The following PCDHGA6 variants were observed in gnomAD, a reference collection of about 807,000 sequenced individuals.
PCDHGA6 encodes the protein protocadherin gamma-A6.
A neutral mutation model predicts 60.6 loss-of-function variants in PCDHGA6; 41 were observed. That is an observed-to-expected ratio of 0.68 (90% CI 0.53 to 0.88). PCDHGA6 has a LOEUF of 0.88. PCDHGA6 is among the 40% of genes least tolerant of loss of function. The pLI, the probability that PCDHGA6 is intolerant of heterozygous loss-of-function variation, is 0.00. For missense variants in PCDHGA6, 1,312 were observed against 1,203.0 expected (o/e 1.09, Z -1.34); for synonymous variants, 594 against 524.4 (o/e 1.13, Z -1.81).
chr5:141,382,988 G>T (rs958046112), intron 1 of PCDHGA6: 2 of 1,613,090 alleles, frequency 1.2e-6, no homozygotes, highest in African/African-American at 2.7e-5. Context: ...TGGGCAGGAC[G>T]TATTCTCTAC....
In PCDHGA6 at chr5:141,491,129, C is replaced by T; in HGVS notation, c.2425-3678C>T. On this transcript the variant is annotated intron_variant, in intron 1 of 3. Transcript: ENST00000517434. This position sits in a 1 kb window ranked among gnomAD's most constrained non-coding sequence, Gnocchi z 6.9. Reference sequence around the variant, plus strand: ...TCTACACACACTGGTGAGGTGCGCACAGCCCGGGCCTTACTGGAGGATGAC... The same window carrying T: ...TCTACACACACTGGTGAGGTGCGCATAGCCCGGGCCTTACTGGAGGATGAC... 1.2e-6 allele frequency: 2 copies of T among 1,614,172 alleles called. No individual in the cohort carries two copies. The highest frequency in any genetic ancestry group is 1.7e-6 in the Non-Finnish European group (2 of 1,180,012).
chr5:141,432,642 C>T lies in PCDHGA6; in HGVS notation c.2424+56135C>T, dbSNP rs746251093. 7.4e-6 allele frequency: 12 copies of T among 1,613,784 alleles called. No individual in the cohort carries two copies. The highest frequency in any genetic ancestry group is 2.7e-5 in the African/African-American group (2 of 75,056). ...GGTCTGCACACGGGCGAGGTGCGCA[C>T]GGCGCGAGCCCTGCTGGACAGAGAC... On this transcript the variant is annotated intron_variant, in intron 1 of 3. Coordinates refer to ENST00000517434, the MANE Select transcript of PCDHGA6 (RefSeq NM_018919.3). This position sits in a 1 kb window ranked among gnomAD's most constrained non-coding sequence, Gnocchi z 6.0.
At chr5:141,449,658 C>T (rs1413506303) in intron 1 of PCDHGA6, among the ~76,000 whole-genome samples, 5 of 149,582 alleles carry the variant, frequency 3.3e-5, no homozygotes, top group Admixed American at 3.3e-4. Flanking sequence ...TTTACATACA[C>T]ACCCAAGTGT....
At chr5:141,416,832 A>T (rs2154546669) in intron 1 of PCDHGA6, 1 of 152,168 alleles carries the variant, frequency 6.6e-6, no homozygotes, top group East Asian at 1.9e-4. Context: ...GTTTCTCAAG[A>T]CCCTTATAAT....
intron 1 of PCDHGA6, among the ~76,000 whole-genome samples, chr5:141,464,748 T>A (rs995568259): frequency 2.0e-5 from 3 of 152,190 alleles, no homozygotes; most frequent in Admixed American, 2.0e-4. Flanking sequence ...TATCTTTTTG[T>A]TTTTTTAGAG....
chr5:141,398,656 A>G, intron 1 of PCDHGA6: 1 of 1,614,034 alleles, frequency 6.2e-7, no homozygotes, highest in African/African-American at 1.3e-5. Context: ...TCTTAACCCA[A>G]GTTTCTCATT....
Position 141,485,291 on chromosome 5 carries a change from CAGGA to C in PCDHGA6, c.2425-9512_2425-9509del. ...CCGCTACCCGGTCCCAGAGGAGTCA[CAGGA>C]AGGGACTTTTGTAGGGAATGTCGCT... On this transcript the variant is annotated intron_variant, in intron 1 of 3. Transcript: ENST00000517434. The surrounding 1 kb of genome is among the most constrained non-coding windows in gnomAD (Gnocchi z 5.7). 1 of 1,614,152 alleles carries C rather than the reference CAGGA, an allele frequency of 6.2e-7. No individual in the cohort carries two copies. Among genetic ancestry groups the C allele is most frequent in the Non-Finnish European group, 8.5e-7 (1 of 1,179,992 alleles).
chr5:141,452,010 G>A (rs955708033), intron 1 of PCDHGA6, among the ~76,000 whole-genome samples: 1 of 152,192 alleles, frequency 6.6e-6, no homozygotes, highest in African/African-American at 2.4e-5. Context: ...ACTTGGTCCA[G>A]CCCACACTCT....
chr5:141,408,442 G>A lies in PCDHGA6; in HGVS notation c.2424+31935G>A, dbSNP rs774397781. On this transcript the variant is annotated intron_variant, in intron 1 of 3. Transcript: ENST00000517434. ...AGCTGCACTTCAGCGTAGACGCGGA[G>A]AGCGGGGACTTACTTGTGAAGAACC... is the stretch of plus-strand genomic sequence containing the variant. 8.7e-6 allele frequency: 14 copies of A among 1,614,080 alleles called. 1 individual carries two copies. The South Asian group carries it at 1.5e-4, about 18-fold the overall frequency.
At chr5:141,451,113 C>T (rs2098707217) in intron 1 of PCDHGA6, among the ~76,000 whole-genome samples, 1 of 152,152 alleles carries the variant, frequency 6.6e-6, no homozygotes. Context: ...CAGGCGTGAG[C>T]CACCACACCC....
In PCDHGA6 at chr5:141,400,151, C is replaced by G. The variant is rs201457414; in HGVS notation, c.2424+23644C>G. ...GTGCTGCCGGATATCACTGACCGCC[C>G]TGTACCCTCTGACCCCCAGGCTGAG... On this transcript the variant is annotated intron_variant, in intron 1 of 3. Transcript: ENST00000517434. 6.4e-5 allele frequency: 104 copies of G among 1,614,086 alleles called. No individual in the cohort carries two copies. The highest frequency in any genetic ancestry group is 4.9e-4 in the Middle Eastern group (3 of 6,062).
chr5:141,406,477 A>G (rs1233914824), intron 1 of PCDHGA6, among the ~76,000 whole-genome samples: 1 of 152,166 alleles, frequency 6.6e-6, no homozygotes, highest in Non-Finnish European at 1.5e-5. Flanking sequence ...TTGAGGTTAT[A>G]TTTTTCAGAT....
intron 1 of PCDHGA6, chr5:141,384,575 C>T (rs754018989): frequency 8.7e-6 from 14 of 1,614,258 alleles, no homozygotes; most frequent in South Asian, 2.2e-5. Flanking sequence ...AATGACAACC[C>T]GCCCGAGATC....
intron 1 of PCDHGA6, chr5:141,383,437 C>T (rs965503415): frequency 6.3e-5 from 101 of 1,613,860 alleles, no homozygotes; most frequent in Non-Finnish European, 8.4e-5. Flanking sequence ...CCACTTCTCC[C>T]TGGCTGTGCA....
chr5:141,422,131 G>T (rs747294750), intron 1 of PCDHGA6: 3 of 1,598,182 alleles, frequency 1.9e-6, no homozygotes, highest in Non-Finnish European at 2.6e-6. Context: ...AACTGGAGAA[G>T]TTCAAGTACG....
intron 1 of PCDHGA6, chr5:141,393,118 G>A: frequency 3.7e-6 from 6 of 1,613,472 alleles, no homozygotes; most frequent in Non-Finnish European, 5.1e-6. Flanking sequence ...AGCCCGCGGT[G>A]TCTGATAAAT....
chr5:141,453,288 A>ATTAT (rs577328880), intron 1 of PCDHGA6, among the ~76,000 whole-genome samples: 1,792 of 151,444 alleles, frequency 0.012, 41 homozygotes, highest in African/African-American at 0.034. Context: ...TAATTTTTTA[A>ATTAT]TTATTTATTT....
intron 1 of PCDHGA6, chr5:141,433,007 C>CT: frequency 6.2e-7 from 1 of 1,614,198 alleles, no homozygotes; most frequent in Non-Finnish European, 8.5e-7. Context: ...GCAGGCTTTC[C>CT]TGCAGACCTA....
intron 1 of PCDHGA6, chr5:141,419,935 G>T: frequency 6.2e-7 from 1 of 1,614,070 alleles, no homozygotes; most frequent in Non-Finnish European, 8.5e-7. Flanking sequence ...AGTTTTACCT[G>T]GTGGTGGCCT....
Sources: gnomAD v4.1 joint callset for allele counts (sites outside exome capture counted in the v4.1 genomes callset) on GRCh38, gnomAD v4.1.1 for gene constraint, Gnocchi (gnomAD v3.1) non-coding constraint, MANE v1.5 for transcripts, NCBI Gene and HGNC (gene_info 2026-07-23, HGNC 2026-07-21) for gene names.